The following PITPNM3 variants were observed in gnomAD, a reference collection of about 807,000 sequenced individuals.
PITPNM3 encodes PITPNM family member 3.
In PITPNM3, 26 loss-of-function variants were observed where a neutral mutation model predicts 102.0. That is an observed-to-expected ratio of 0.25 (90% confidence interval 0.19 to 0.35). The LOEUF (loss-of-function observed/expected upper bound fraction) is 0.35. PITPNM3 is among the 10% of genes least tolerant of loss of function. PITPNM3 has a pLI of 1.00. For synonymous variants in PITPNM3, 578 were observed against 558.6 expected (o/e 1.03, Z -0.49); for missense variants, 1,083 against 1,346.1 (o/e 0.80, Z 3.06).
chr17:6,471,842 G>A (rs1905092089), intron 11 of PITPNM3, among the ~76,000 whole-genome samples: 1 of 152,176 alleles, frequency 6.6e-6, no homozygotes, highest in Non-Finnish European at 1.5e-5. Context: ...TGACCAAAGA[G>A]GGATCCATGG....
At chr17:6,462,968 C>T (rs1034961071) in intron 17 of PITPNM3, among the ~76,000 whole-genome samples, 5 of 152,116 alleles carry the variant, frequency 3.3e-5, no homozygotes, top group African/African-American at 1.2e-4. Flanking sequence ...CACAGCCTCC[C>T]CTTCCCTGCA....
At chr17:6,507,447 G>C (rs1017654395) in intron 3 of PITPNM3, among the ~76,000 whole-genome samples, 1 of 152,148 alleles carries the variant, frequency 6.6e-6, no homozygotes, top group African/African-American at 2.4e-5. Context: ...AGCTGGGCGT[G>C]GTGGCGCATG....
chr17:6,500,070 G>T (rs966508236), intron 4 of PITPNM3, among the ~76,000 whole-genome samples: 2 of 152,142 alleles, frequency 1.3e-5, no homozygotes, highest in South Asian at 4.1e-4. Flanking sequence ...GTAAACTGAG[G>T]CTGAGAGACA....
chr17:6,497,012 T>C (rs2150599418), intron 4 of PITPNM3, among the ~76,000 whole-genome samples: 2 of 152,034 alleles, frequency 1.3e-5, no homozygotes, highest in South Asian at 4.1e-4. Flanking sequence ...GAAGGAACGA[T>C]GCCAAGCAGA....
intron 4 of PITPNM3, among the ~76,000 whole-genome samples, chr17:6,488,748 A>G (rs1292805981): frequency 2.0e-5 from 3 of 152,120 alleles, no homozygotes; most frequent in African/African-American, 7.2e-5. Context: ...TGGTGACAAG[A>G]GCAGCTGGCA....
chr17:6,476,291 T>C (rs924400231), intron 9 of PITPNM3, among the ~76,000 whole-genome samples: 8 of 152,240 alleles, frequency 5.3e-5, no homozygotes, highest in South Asian at 2.1e-4. Flanking sequence ...ATGATACTTA[T>C]CACTTGGGTA....
intron 14 of PITPNM3, among the ~76,000 whole-genome samples, chr17:6,467,766 C>T (rs1010776539): frequency 6.6e-6 from 1 of 152,222 alleles, no homozygotes; most frequent in Non-Finnish European, 1.5e-5. Context: ...TCCTTCAATA[C>T]CCCACAGAGG....
rs1354903638 is a variant in PITPNM3 at position 6,470,837 on chromosome 17, G to C, written c.1624+324C>G. On this transcript the variant is annotated intron_variant, in intron 12 of 19. Transcript: ENST00000262483. The surrounding 1 kb of genome is among the most constrained non-coding windows in gnomAD (Gnocchi z 4.8). ...TGAGGTCAAAGCTCAGACCCTGTCAGGGATCAGGGGTCACTGCTCTCCTCA... is the reference window on the plus strand; with the variant it reads ...TGAGGTCAAAGCTCAGACCCTGTCACGGATCAGGGGTCACTGCTCTCCTCA... Among the ~76,000 whole-genome samples the C allele has an allele frequency of 2.0e-5, 3 of 152,168 alleles. No individual in the cohort carries two copies. The highest frequency in any genetic ancestry group is 4.4e-5 in the Non-Finnish European group (3 of 68,028).
At chr17:6,484,985 G>A (rs1905987678) in intron 4 of PITPNM3, among the ~76,000 whole-genome samples, 1 of 151,988 alleles carries the variant, frequency 6.6e-6, no homozygotes, top group Admixed American at 6.5e-5. Flanking sequence ...ACTGGGATTC[G>A]TGCCATTTTC....
Position 6,486,580 on chromosome 17 carries a change from C to A in PITPNM3, c.275-2288G>T, listed in dbSNP as rs147234172. 1.5e-3 allele frequency among the ~76,000 whole-genome samples: 223 copies of A among 152,356 alleles called. 4 individuals carry two copies. The East Asian group carries it at 0.035, about 24-fold the overall frequency. ...TATGAGCTCCGAGCTACTGCCCACA[C>A]AGACAGGAAATCATTTCCTAAATGA... On this transcript the variant is annotated intron_variant, in intron 4 of 19. Coordinates refer to ENST00000262483, the MANE Select transcript of PITPNM3 (RefSeq NM_031220.4).
chr17:6,510,565 G>C (rs1907810223), intron 3 of PITPNM3, among the ~76,000 whole-genome samples: 1 of 152,236 alleles, frequency 6.6e-6, no homozygotes, highest in Admixed American at 6.5e-5. Context: ...TGAGTCATCT[G>C]TGTGTCCCCT....
chr17:6,552,074 C>T (rs1048955924), intron 1 of PITPNM3, among the ~76,000 whole-genome samples: 4 of 152,188 alleles, frequency 2.6e-5, no homozygotes, highest in Admixed American at 1.3e-4. Context: ...ATCCTAACAC[C>T]GTAGGATCAG....
rs1357848669 is a variant in PITPNM3 at position 6,556,093 on chromosome 17, G to C, written c.22+292C>G. Among the ~76,000 whole-genome samples the C allele has an allele frequency of 6.6e-6, 1 of 152,106 alleles. No individual in the cohort carries two copies. Among genetic ancestry groups the C allele is most frequent in the East Asian group, 1.9e-4 (1 of 5,154 alleles). ...GCCCGGGGCCTCCGCGGGGTGCAGAGGGCTCCCAACGGCGGGACTGGCCCG... is the reference window on the plus strand; with the variant it reads ...GCCCGGGGCCTCCGCGGGGTGCAGACGGCTCCCAACGGCGGGACTGGCCCG... On this transcript the variant is annotated intron_variant, in intron 1 of 19. Coordinates refer to ENST00000262483, the MANE Select transcript of PITPNM3 (RefSeq NM_031220.4). The surrounding 1 kb of genome is among the most constrained non-coding windows in gnomAD (Gnocchi z 5.2).
rs748677534 is a variant in PITPNM3 at position 6,455,531 on chromosome 17, T to C, written c.2732A>G (p.His911Arg). 14 of 1,604,836 alleles carry C rather than the reference T, an allele frequency of 8.7e-6. No individual in the cohort carries two copies. Among genetic ancestry groups the C allele is most frequent in the Admixed American group, 5.0e-5 (3 of 59,906 alleles). Residue 911 changes from histidine (H) to arginine (R), a missense_variant, in exon 20 of 20, where the codon CAC (histidine) becomes CGC (arginine). Physicochemically the swap from His to Arg is conservative, Grantham distance 29 (BLOSUM62 0). Transcript: ENST00000262483. ...CTTCCGCAGGAACTCTGGCTGCGCGTGCAGCCCGAAGCTGCCCTTGCGCAG... is the reference window on the plus strand; with the variant it reads ...CTTCCGCAGGAACTCTGGCTGCGCGCGCAGCCCGAAGCTGCCCTTGCGCAG... The part of the protein sequence containing the change: ...MILRKGSFGL[H>R]AQPEFLRKRN...
chr17:6,484,198 C>G lies in PITPNM3; in HGVS notation c.351+18G>C, dbSNP rs1379210465. 6.3e-7 allele frequency: 1 copy of G among 1,590,358 alleles called. No individual in the cohort carries two copies. Among genetic ancestry groups the G allele is most frequent in the South Asian group, 1.1e-5 (1 of 90,612 alleles). On this transcript the variant is annotated intron_variant, in intron 5 of 19. Transcript: ENST00000262483. The stretch of plus-strand genomic sequence containing the variant: ...GGCCTCTGAGTTGAGCCCAGACACC[C>G]TCCGAAGCCCAGCCTACCTCGCTGT...
intron 4 of PITPNM3, among the ~76,000 whole-genome samples, chr17:6,499,581 G>A (rs757464489): frequency 1.4e-4 from 22 of 152,268 alleles, no homozygotes; most frequent in Non-Finnish European, 2.6e-4. Flanking sequence ...AGGCACATCC[G>A]TCCAGTAACA....
Position 6,470,399 on chromosome 17 carries a change from T to A in PITPNM3, c.1634A>T (p.Lys545Met). The A allele has an allele frequency of 5.0e-6, 8 of 1,614,114 alleles. No individual in the cohort carries two copies. The highest frequency in any genetic ancestry group is 6.8e-6 in the Non-Finnish European group (8 of 1,180,014). ...GTCGATCCTCTTGCTTCCCCACCACTTGGCTGTGACTGTGGGTCGGAGAGG... is the reference window on the plus strand; with the variant it reads ...GTCGATCCTCTTGCTTCCCCACCACATGGCTGTGACTGTGGGTCGGAGAGG... ...APVGASRITA[K>M]WWGSKRIDYA... The change falls in exon 13 of 20, where the codon AAG becomes ATG. Residue 545 changes from lysine (K) to methionine (M), a missense_variant. Lys to Met is a moderately conservative substitution (Grantham distance 95). Transcript: ENST00000262483. The surrounding 1 kb of genome is among the most constrained non-coding windows in gnomAD (Gnocchi z 4.8).
rs367702668 is a variant in PITPNM3, at chr17:6,483,597, G to T, written c.507C>A (p.Phe169Leu). Residue 169 changes from phenylalanine (F) to leucine (L), a missense_variant, in exon 6 of 20, where the codon TTC (phenylalanine) becomes TTA (leucine). Physicochemically the swap from Phe to Leu is conservative, Grantham distance 22 (BLOSUM62 0). Around this residue, in one of 5 missense-constraint regions of PITPNM3, gnomAD observed 290 missense variants for 337.8 expected, o/e 0.86. Coordinates refer to ENST00000262483, the MANE Select transcript of PITPNM3 (RefSeq NM_031220.4). Reference sequence around the variant, plus strand: ...TGAGGATGTGGCCCAGGGCAGCAGGGAAATGGGCTCGTGTGACCTTCTCCA... The same window carrying T: ...TGAGGATGTGGCCCAGGGCAGCAGGTAAATGGGCTCGTGTGACCTTCTCCA... ...SVLEKVTRAH[F>L]PAALGHILIK... The T allele has an allele frequency of 2.3e-4, 374 of 1,614,008 alleles. No individual in the cohort carries two copies. Among genetic ancestry groups the T allele is most frequent in the Non-Finnish European group, 3.0e-4 (352 of 1,180,044 alleles).
rs558849678 is a variant in PITPNM3, at chr17:6,532,085, G to A, written c.118+5902C>T. ...TGTGCCACTGCAGTCCAGCCTGGGT[G>A]ACAAGAGTGAAACTCCGTCTAAAAA... On this transcript the variant is annotated intron_variant, in intron 2 of 19. Transcript: ENST00000262483. 4.0e-5 allele frequency among the ~76,000 whole-genome samples: 6 copies of A among 151,134 alleles called. No homozygotes were observed. In the South Asian group the frequency reaches 1.3e-3, roughly 32 times the overall value.
Sources: gnomAD v4.1 joint callset for allele counts (sites outside exome capture counted in the v4.1 genomes callset) on GRCh38, gnomAD v4.1.1 for gene constraint, gnomAD v4.1.1 regional missense constraint, Gnocchi (gnomAD v3.1) non-coding constraint, MANE v1.5 for transcripts, NCBI Gene and HGNC (gene_info 2026-07-23, HGNC 2026-07-21) for gene names.